Variants in CCSER1 observed in about 807,000 individuals in gnomAD.
CCSER1 encodes serine-rich coiled-coil domain-containing protein 1.
In CCSER1, 41 loss-of-function variants were observed where a neutral mutation model predicts 82.0. The observed-to-expected ratio is 0.50, with a 90% CI of 0.39 to 0.65. The LOEUF (loss-of-function observed/expected upper bound fraction) is 0.65. CCSER1 is among the 30% of genes least tolerant of loss of function. The pLI is 0.00. For synonymous variants in CCSER1, 414 were observed against 383.9 expected, an observed-to-expected ratio of 1.08 and a Z score of -0.92; for missense variants, 1,119 against 1,064.2, an observed-to-expected ratio of 1.05 and a Z score of -0.72.
chr4:91,414,264 G>A (rs1228738977), intron 10 of CCSER1, among the ~76,000 whole-genome samples: 1 of 152,076 alleles, frequency 6.6e-6, no homozygotes, highest in Non-Finnish European at 1.5e-5. Context: ...TATAAAATAT[G>A]CAAAGTGTGA....
At chr4:90,605,196 A>G (rs1784529240) in intron 5 of CCSER1, among the ~76,000 whole-genome samples, 2 of 152,172 alleles carry the variant, frequency 1.3e-5, no homozygotes, top group African/African-American at 2.4e-5. Context: ...TAGAAGTAAC[A>G]AACTCCGGAC....
At chr4:90,444,629 T>C in intron 4 of CCSER1, among the ~76,000 whole-genome samples, 1 of 152,166 alleles carries the variant, frequency 6.6e-6, no homozygotes, top group East Asian at 1.9e-4. Context: ...TGATGGCAGG[T>C]TAGTATTATT....
At chr4:91,197,714 C>A (rs1160319899) in intron 10 of CCSER1, among the ~76,000 whole-genome samples, 2 of 152,102 alleles carry the variant, frequency 1.3e-5, no homozygotes, top group Non-Finnish European at 2.9e-5. Flanking sequence ...ATTACATATT[C>A]TATTTCTATT....
At chr4:90,350,988 A>G (rs1743327618) in intron 3 of CCSER1, among the ~76,000 whole-genome samples, 1 of 152,192 alleles carries the variant, frequency 6.6e-6, no homozygotes, top group Non-Finnish European at 1.5e-5. Flanking sequence ...GAATTATGAC[A>G]AATGACTTAT....
At chr4:91,443,413 C>A (rs560254577) in intron 10 of CCSER1, among the ~76,000 whole-genome samples, 6 of 149,172 alleles carry the variant, frequency 4.0e-5, no homozygotes, top group Admixed American at 2.1e-4. Flanking sequence ...GGACAAAAAA[C>A]CAAACACTGC....
chr4:91,172,006 A>G (rs1732813267), intron 10 of CCSER1, among the ~76,000 whole-genome samples: 1 of 152,108 alleles, frequency 6.6e-6, no homozygotes, highest in Non-Finnish European at 1.5e-5. Flanking sequence ...TTCAATAAAA[A>G]AAATCCTATT....
At chr4:90,796,418 TA>T (rs70963082) in intron 7 of CCSER1, among the ~76,000 whole-genome samples, 13,094 of 79,626 alleles carry the variant, frequency 0.16, 621 homozygotes, top group Non-Finnish European at 0.18. Context: ...GTACTAAATT[TA>T]AAAAAAAAAA....
intron 10 of CCSER1, among the ~76,000 whole-genome samples, chr4:91,377,301 T>C (rs1156557928): frequency 6.6e-6 from 1 of 152,184 alleles, no homozygotes; most frequent in Non-Finnish European, 1.5e-5. Flanking sequence ...TATTTCTAGT[T>C]CTAGATCCTT....
At chr4:91,464,404 A>AAAAT (rs891423305) in intron 10 of CCSER1, among the ~76,000 whole-genome samples, 3 of 152,186 alleles carry the variant, frequency 2.0e-5, no homozygotes, top group African/African-American at 7.2e-5. Flanking sequence ...AAAATATGCC[A>AAAAT]AAATATAAAG....
chr4:90,957,575 T>A (rs1733631221), intron 9 of CCSER1, among the ~76,000 whole-genome samples: 2 of 132,938 alleles, frequency 1.5e-5, no homozygotes, highest in East Asian at 2.0e-4. Context: ...ATAATTATAT[T>A]ATATAATATA....
chr4:91,148,076 A>T (rs552125816), intron 10 of CCSER1, among the ~76,000 whole-genome samples: 1 of 152,348 alleles, frequency 6.6e-6, no homozygotes, highest in Non-Finnish European at 1.5e-5. Context: ...TAGAGTAGTA[A>T]CATGGAATAG....
chr4:90,610,323 T>C (rs1277263271), intron 5 of CCSER1, among the ~76,000 whole-genome samples: 3 of 151,964 alleles, frequency 2.0e-5, no homozygotes, highest in African/African-American at 4.8e-5. Flanking sequence ...CAGTAAGCTG[T>C]AATTACAAAA....
At chr4:90,484,267 A>G (rs1766604289) in intron 5 of CCSER1, among the ~76,000 whole-genome samples, 1 of 151,932 alleles carries the variant, frequency 6.6e-6, no homozygotes, top group African/African-American at 2.4e-5. Context: ...CTAGTTATCC[A>G]TTCATCTAAT....
At chr4:90,544,636 C>T (rs1164480138) in intron 5 of CCSER1, among the ~76,000 whole-genome samples, 1 of 152,050 alleles carries the variant, frequency 6.6e-6, no homozygotes, top group Non-Finnish European at 1.5e-5. Context: ...TACAGCCCCT[C>T]CAGTGTGTGA....
chr4:90,447,359 A>T (rs1253695593), intron 4 of CCSER1, among the ~76,000 whole-genome samples: 1 of 152,136 alleles, frequency 6.6e-6, no homozygotes, highest in Non-Finnish European at 1.5e-5. Context: ...AAAAGAATGA[A>T]ATTTACTAGA....
intron 10 of CCSER1, among the ~76,000 whole-genome samples, chr4:91,114,755 A>T (rs1726401909): frequency 6.6e-6 from 1 of 152,198 alleles, no homozygotes; most frequent in African/African-American, 2.4e-5. Context: ...CAATTTCAGT[A>T]TCTCATCAGA....
chr4:90,442,173 C>T (rs1759982928), intron 4 of CCSER1, among the ~76,000 whole-genome samples: 1 of 152,002 alleles, frequency 6.6e-6, no homozygotes, highest in African/African-American at 2.4e-5. Flanking sequence ...CGAGGGGGGT[C>T]ATCATTCTTA....
At chr4:90,526,603 T>A (rs921980913) in intron 5 of CCSER1, among the ~76,000 whole-genome samples, 2 of 152,180 alleles carry the variant, frequency 1.3e-5, no homozygotes, top group African/African-American at 2.4e-5. Context: ...TTCCCACTTA[T>A]GAGTGAGAAC....
intron 10 of CCSER1, among the ~76,000 whole-genome samples, chr4:91,388,754 A>C (rs973782726): frequency 6.6e-6 from 1 of 152,006 alleles, no homozygotes; most frequent in Non-Finnish European, 1.5e-5. Flanking sequence ...GTAGCTTTAT[A>C]ATAGGTCTCA....
Sources: gnomAD v4.1 joint callset for allele counts (sites outside exome capture counted in the v4.1 genomes callset) on GRCh38, gnomAD v4.1.1 for gene constraint, MANE v1.5 for transcripts, NCBI Gene and HGNC (gene_info 2026-07-23, HGNC 2026-07-21) for gene names.